The following ARFGEF2 variants were observed in gnomAD, a reference collection of about 807,000 sequenced individuals.
The protein encoded by ARFGEF2 is brefeldin A-inhibited guanine nucleotide-exchange protein 2.
A neutral mutation model predicts 219.9 loss-of-function variants in ARFGEF2; 74 were observed. The ratio of observed to expected loss-of-function variants is 0.34; its 90% CI spans 0.28 to 0.41. The LOEUF (loss-of-function observed/expected upper bound fraction) is 0.41, where lower values mean the gene tolerates loss of function less well. Among genes scored for constraint, ARFGEF2 ranks in the 10% least tolerant of loss-of-function variants. ARFGEF2 has a pLI of 1.00. For missense variants in ARFGEF2, 1,743 were observed against 2,218.3 expected (o/e 0.79, Z 4.30); for synonymous variants, 733 against 799.2 (o/e 0.92, Z 1.40).
intron 25 of ARFGEF2, among the ~76,000 whole-genome samples, chr20:49,001,095 A>G (rs1163546119): frequency 8.7e-6 from 1 of 115,068 alleles, no homozygotes; most frequent in Non-Finnish European, 1.7e-5. Context: ...AGAGTTTCGC[A>G]CTGTTGCCAG....
At position 48,989,368 on chromosome 20, in the gene ARFGEF2, G is replaced by A; in HGVS notation, c.2617G>A (p.Ala873Thr). 1 of 1,614,218 alleles carries A rather than the reference G, an allele frequency of 6.2e-7. No homozygotes were observed. Among genetic ancestry groups the A allele is most frequent in the Non-Finnish European group, 8.5e-7 (1 of 1,180,050 alleles). Residue 873 changes from alanine to threonine, a missense_variant, in exon 19 of 39, where the codon GCT (alanine) becomes ACT (threonine). By Grantham distance (58) the Ala-to-Thr change is moderately conservative. Around this residue, in one of 5 missense-constraint regions of ARFGEF2, gnomAD observed 666 missense variants for 955.4 expected, o/e 0.70. Coordinates refer to ENST00000371917, the MANE Select transcript of ARFGEF2 (RefSeq NM_006420.3). ...MAKTAKALMEAVSHAKAPFTS... is the reference protein window; with the variant it reads ...MAKTAKALMETVSHAKAPFTS... ...TAAAACAGCCAAAGCTCTGATGGAG[G>A]CTGTGAGCCATGCCAAAGCCCCGTT... is the stretch of plus-strand genomic sequence containing the variant.
chr20:48,979,263 G>A (rs879443402), intron 14 of ARFGEF2, among the ~76,000 whole-genome samples: 1 of 152,140 alleles, frequency 6.6e-6, no homozygotes, highest in Non-Finnish European at 1.5e-5. Context: ...TTCTGTTTAT[G>A]TGATGGATTA....
At chr20:49,009,660 T>G (rs2091483873) in intron 26 of ARFGEF2, among the ~76,000 whole-genome samples, 1 of 152,200 alleles carries the variant, frequency 6.6e-6, no homozygotes. Context: ...GTCTTCAGGT[T>G]TTACTTTATA....
At chr20:49,003,469 G>A (rs963798524) in intron 25 of ARFGEF2, among the ~76,000 whole-genome samples, 2 of 151,758 alleles carry the variant, frequency 1.3e-5, no homozygotes, top group African/African-American at 4.8e-5. Flanking sequence ...GCCGATCTTG[G>A]TGGCGGGCAC....
At chr20:48,988,952 G>A (rs1223915025) in intron 18 of ARFGEF2, among the ~76,000 whole-genome samples, 8 of 152,110 alleles carry the variant, frequency 5.3e-5, no homozygotes, top group Admixed American at 5.2e-4. Flanking sequence ...GCCTTGATTA[G>A]AATTCTATTA....
intron 1 of ARFGEF2, among the ~76,000 whole-genome samples, chr20:48,922,387 G>A (rs957794786): frequency 6.6e-6 from 1 of 152,232 alleles, no homozygotes; most frequent in African/African-American, 2.4e-5. Context: ...TAGGTGAACA[G>A]AGCATGTAGG....
chr20:48,972,778 C>T (rs1010027471), intron 11 of ARFGEF2, among the ~76,000 whole-genome samples: 4 of 152,158 alleles, frequency 2.6e-5, no homozygotes, highest in Non-Finnish European at 5.9e-5. Flanking sequence ...GTGGATTTAC[C>T]TTACACTATA....
intron 6 of ARFGEF2, among the ~76,000 whole-genome samples, chr20:48,961,824 A>C (rs1011469618): frequency 3.3e-5 from 5 of 150,476 alleles, no homozygotes; most frequent in African/African-American, 1.2e-4. Flanking sequence ...AGATCGTGTC[A>C]CTGCACTCCA....
chr20:48,964,407 A>G (rs1237182848), intron 7 of ARFGEF2, among the ~76,000 whole-genome samples: 2 of 152,238 alleles, frequency 1.3e-5, no homozygotes, highest in African/African-American at 4.8e-5. Flanking sequence ...TCCATCTCAA[A>G]AAAAAGACAC....
chr20:48,925,827 A>C (rs2090873380), intron 1 of ARFGEF2, among the ~76,000 whole-genome samples: 1 of 152,144 alleles, frequency 6.6e-6, no homozygotes, highest in African/African-American at 2.4e-5. Context: ...GCAGGGTGAG[A>C]CCCTCACACA....
chr20:49,031,220 CTTTTTTTT>C (rs869105434), intron 37 of ARFGEF2, among the ~76,000 whole-genome samples: 1 of 59,396 alleles, frequency 1.7e-5, no homozygotes, highest in East Asian at 6.2e-4. Flanking sequence ...TGAGTTTGGA[CTTTTTTTT>C]TTTTTTTTTT....
chr20:48,932,782 G>A (rs2090921130), intron 1 of ARFGEF2, among the ~76,000 whole-genome samples: 1 of 152,160 alleles, frequency 6.6e-6, no homozygotes, highest in Non-Finnish European at 1.5e-5. Context: ...TTCCATATAG[G>A]GACAAGAGTC....
intron 14 of ARFGEF2, among the ~76,000 whole-genome samples, chr20:48,980,906 A>G (rs1163894152): frequency 6.6e-6 from 1 of 152,170 alleles, no homozygotes; most frequent in African/African-American, 2.4e-5. Context: ...TCCTGAATAT[A>G]GCACACTGAG....
chr20:48,970,933 G>A (rs939942518), intron 9 of ARFGEF2, among the ~76,000 whole-genome samples, 187 bp from the exon 10 acceptor site: 43 of 152,168 alleles, frequency 2.8e-4, no homozygotes, highest in African/African-American at 9.2e-4. Context: ...GGCAGCTCTT[G>A]TTCTCAAAGG....
chr20:49,019,080 T>C (rs2091548459), intron 34 of ARFGEF2, 82 bp downstream of exon 34: 2 of 1,183,320 alleles, frequency 1.7e-6, no homozygotes, highest in Non-Finnish European at 1.2e-6. Context: ...AGGGTAAACA[T>C]GATAAGCCTT....
In ARFGEF2 at chr20:48,985,568, G is replaced by A. The variant is rs777290585; in HGVS notation, c.2231G>A (p.Arg744Gln). Reference protein sequence around the residue: ...RLPGEAQKIDRLMEKFAARYI... With the variant: ...RLPGEAQKIDQLMEKFAARYI... ...CCTGGAGAAGCCCAAAAGATTGACC[G>A]ATTAATGGAGAAGTTTGCCGCAAGA... Residue 744 changes from arginine (R) to glutamine (Q), a missense_variant, in exon 16 of 39, where the codon CGA (arginine) becomes CAA (glutamine). Physicochemically the swap from Arg to Gln is conservative, Grantham distance 43. Around this residue, in one of 5 missense-constraint regions of ARFGEF2, gnomAD observed 666 missense variants for 955.4 expected, o/e 0.70. Coordinates refer to ENST00000371917, the MANE Select transcript of ARFGEF2 (RefSeq NM_006420.3). 4 of 1,614,192 alleles carry A rather than the reference G, an allele frequency of 2.5e-6. No individual in the cohort carries two copies. The highest frequency in any genetic ancestry group is 1.3e-5 in the African/African-American group (1 of 75,044).
At chr20:49,024,768 G>A (rs2091591031) in intron 35 of ARFGEF2, among the ~76,000 whole-genome samples, 2 of 152,148 alleles carry the variant, frequency 1.3e-5, no homozygotes, top group Admixed American at 6.5e-5. Context: ...GGGAGGCCGA[G>A]GCAGGCGGAT....
At chr20:48,976,783 G>A (rs2091264885) in intron 14 of ARFGEF2, among the ~76,000 whole-genome samples, 3 of 152,112 alleles carry the variant, frequency 2.0e-5, no homozygotes, top group Admixed American at 6.5e-5. Context: ...ACTCCAGCCT[G>A]GGTGACAGAG....
intron 16 of ARFGEF2, among the ~76,000 whole-genome samples, chr20:48,985,872 TG>T (rs1270931084): frequency 1.3e-5 from 2 of 152,216 alleles, no homozygotes; most frequent in African/African-American, 4.8e-5. Context: ...AAGCCCATGC[TG>T]TTAGCAACTA....
Sources: gnomAD v4.1 joint callset for allele counts (sites outside exome capture counted in the v4.1 genomes callset) on GRCh38, gnomAD v4.1.1 for gene constraint, gnomAD v4.1.1 regional missense constraint, MANE v1.5 for transcripts, NCBI Gene and HGNC (gene_info 2026-07-23, HGNC 2026-07-21) for gene names.